VWF: variants seen among roughly 807,000 people sequenced by gnomAD.
VWF encodes the protein Factor VIII related antigen.
In VWF, 176 loss-of-function variants were observed where a neutral mutation model predicts 308.6. The observed-to-expected ratio is 0.57, with a 90% confidence interval of 0.50 to 0.65. The LOEUF (loss-of-function observed/expected upper bound fraction) is 0.65. VWF is among the 30% of genes least tolerant of loss of function. The pLI is 0.00. For missense variants in VWF, 3,146 were observed against 3,648.2 expected (o/e 0.86, Z 3.55); for synonymous variants, 1,385 against 1,443.4 (o/e 0.96, Z 0.92).
chr12:5,973,997 G>A (rs961848717), intron 43 of VWF, among the ~76,000 whole-genome samples: 6 of 152,164 alleles, frequency 3.9e-5, no homozygotes, highest in Non-Finnish European at 8.8e-5. Flanking sequence ...CCTCTGACAC[G>A]AAGAGCAGAG....
chr12:6,026,119 C>G (rs1944189188), intron 22 of VWF, 73 bp from the exon 23 acceptor site: 5 of 1,608,904 alleles, frequency 3.1e-6, no homozygotes, highest in Non-Finnish European at 4.3e-6. Flanking sequence ...GAAAGGGGAA[C>G]ATTCCTGGCG....
Position 6,016,834 on chromosome 12 carries a change from T to C in VWF, c.5090A>G (p.Asp1697Gly). ...SQPLDVILLLDGSSSFPASYF... is the reference protein window; with the variant it reads ...SQPLDVILLLGGSSSFPASYF... ...AGAAGCTGGGAAACTGGAGGAGCCA[T>C]CCAGGAGAAGGATCACGTCCAGGGG... is the stretch of plus-strand genomic sequence containing the variant. Residue 1697 changes from aspartate to glycine, a missense_variant, in exon 29 of 52, where the codon GAT (aspartate) becomes GGT (glycine). Physicochemically the swap from Asp to Gly is moderately conservative, Grantham distance 94 (BLOSUM62 -1). Coordinates refer to ENST00000261405, the MANE Select transcript of VWF (RefSeq NM_000552.5). 2 of 1,614,088 alleles carry C rather than the reference T, an allele frequency of 1.2e-6. No individual in the cohort carries two copies. The highest frequency in any genetic ancestry group is 1.7e-6 in the Non-Finnish European group (2 of 1,180,038).
chr12:6,086,111 G>A (rs1317716621), intron 6 of VWF, among the ~76,000 whole-genome samples: 1 of 152,110 alleles, frequency 6.6e-6, no homozygotes, highest in Non-Finnish European at 1.5e-5. Context: ...GGGGGGTTCC[G>A]TGGAGCTCTG....
chr12:5,969,513 G>T (rs1373421414), intron 44 of VWF, 122 bp from the exon 45 acceptor site: 3 of 1,192,384 alleles, frequency 2.5e-6, no homozygotes, highest in East Asian at 4.8e-5. Context: ...TAACATGTAA[G>T]TCCCACCACA....
intron 10 of VWF, among the ~76,000 whole-genome samples, chr12:6,065,789 G>T (rs1944707696): frequency 6.6e-6 from 1 of 152,234 alleles, no homozygotes; most frequent in Admixed American, 6.5e-5. Flanking sequence ...AGGGGGCAGA[G>T]TAGGCAGCCC....
At position 6,016,115 on chromosome 12, in the gene VWF, G is replaced by A; in HGVS notation, c.5429C>T (p.Ala1810Val). The A allele has an allele frequency of 6.2e-7, 1 of 1,614,150 alleles. No individual in the cohort carries two copies. Among genetic ancestry groups the A allele is most frequent in the Non-Finnish European group, 8.5e-7 (1 of 1,180,026 alleles). ...VTDVSVDSVDAAADAARSNRV... is the reference protein window; with the variant it reads ...VTDVSVDSVDVAADAARSNRV... ...GTTGGACCTGGCGGCATCAGCTGCTGCATCCACTGAATCCACAGAGACGTC... is the reference window on the plus strand; with the variant it reads ...GTTGGACCTGGCGGCATCAGCTGCTACATCCACTGAATCCACAGAGACGTC... Residue 1810 changes from alanine to valine, a missense_variant, in exon 31 of 52, where the codon GCA (alanine) becomes GTA (valine). Coordinates refer to ENST00000261405, the MANE Select transcript of VWF (RefSeq NM_000552.5).
chr12:6,101,358 A>G (rs1424215158), intron 5 of VWF, among the ~76,000 whole-genome samples: 1 of 152,102 alleles, frequency 6.6e-6, no homozygotes, highest in Non-Finnish European at 1.5e-5. Context: ...CACACAATCA[A>G]TTCTCACCAA....
In VWF at chr12:6,057,873, G is replaced by T; in HGVS notation, c.1705C>A (p.Pro569Thr). ...CQDLQKQHSD[P>T]CALNPRMTRF... Reference sequence around the variant, plus strand: ...CTCATGCGCGGGTTGAGGGCGCAGGGATCGCTGTGCTGCTTCTGCAGGTCC... The same window carrying T: ...CTCATGCGCGGGTTGAGGGCGCAGGTATCGCTGTGCTGCTTCTGCAGGTCC... Residue 569 changes from proline to threonine, a missense_variant, in exon 14 of 52, where the codon CCC becomes ACC. Pro to Thr is a conservative substitution (Grantham distance 38, BLOSUM62 -1). Transcript: ENST00000261405. The T allele has an allele frequency of 1.2e-6, 2 of 1,610,662 alleles. No homozygotes were observed. Among genetic ancestry groups the T allele is most frequent in the African/African-American group, 1.3e-5 (1 of 74,954 alleles).
intron 34 of VWF, among the ~76,000 whole-genome samples, chr12:5,997,962 A>G (rs892141345): frequency 6.6e-6 from 1 of 152,224 alleles, no homozygotes; most frequent in Admixed American, 6.5e-5. Flanking sequence ...AGAGTAAAGT[A>G]TATCACTCAT....
chr12:6,018,383 T>C lies in VWF; in HGVS notation c.5035A>G (p.Thr1679Ala), dbSNP rs751577332. The part of the protein sequence containing the change: ...CCSGEGLQIP[T>A]LSPAPDCSQP... ...AGCATACCAGGTGCAGGGGAGAGGG[T>C]GGGGATCTGCAGCCCCTCTCCGGAG... is the stretch of plus-strand genomic sequence containing the variant. The change falls in exon 28 of 52, where the codon ACC becomes GCC. Residue 1679 changes from threonine to alanine, a missense_variant. Thr to Ala is a moderately conservative substitution (Grantham distance 58, BLOSUM62 0). Transcript: ENST00000261405. 21 of 1,610,500 alleles carry C rather than the reference T, an allele frequency of 1.3e-5. No homozygotes were observed. The highest frequency in any genetic ancestry group is 5.4e-5 in the African/African-American group (4 of 74,444).
At position 6,092,628 on chromosome 12, in the gene VWF, T is replaced by TGAGAGAGAGAGA. The variant is rs1565386731; in HGVS notation, c.657+2831_657+2832insTCTCTCTCTCTC. Among the ~76,000 whole-genome samples, 32 of 80,238 alleles carry TGAGAGAGAGAGA rather than the reference T, an allele frequency of 4.0e-4. 1 individual carries two copies. The highest frequency in any genetic ancestry group is 1.1e-3 in the African/African-American group (15 of 13,296). The allele number at this position is 80,238 out of a possible 152,430, so 52.6% of individuals were successfully genotyped here. A position where few individuals can be genotyped will look rare whatever the true frequency, so the allele number is the denominator to read the frequency against. ...TAGTGAGTGAGTGAGAGTGTGTGTG[T>TGAGAGAGAGAGA]GTGTGTGTGTGTGTGTGTGTGTGTG... On this transcript the variant is annotated intron_variant, in intron 6 of 51. Transcript: ENST00000261405.
chr12:6,123,003 C>T (rs1163269420), intron 2 of VWF, 139 bp downstream of exon 2: 1 of 1,093,504 alleles, frequency 9.1e-7, no homozygotes, highest in Non-Finnish European at 1.4e-6. Context: ...TCCGCAGAAC[C>T]TTCACAGGAG....
chr12:6,095,255 C>T, intron 6 of VWF: 1 of 713,244 alleles, frequency 1.4e-6, no homozygotes, highest in East Asian at 2.8e-5. Flanking sequence ...AGACACTACA[C>T]CAAGTCATTA....
chr12:5,974,569 C>G (rs555250602), intron 43 of VWF, among the ~76,000 whole-genome samples: 9 of 152,240 alleles, frequency 5.9e-5, no homozygotes, highest in Non-Finnish European at 1.2e-4. Context: ...TGTCAACTTT[C>G]CTCTTGAGAA....
At chr12:6,099,010 G>GA (rs11429073) in intron 5 of VWF, among the ~76,000 whole-genome samples, 13,789 of 151,008 alleles carry the variant, frequency 0.091, 1,273 homozygotes, top group African/African-American at 0.24. Flanking sequence ...AAGTTCACAA[G>GA]AAAAAAAATC....
intron 34 of VWF, among the ~76,000 whole-genome samples, chr12:6,002,032 A>C (rs1943877989): frequency 6.6e-6 from 1 of 152,166 alleles, no homozygotes; most frequent in South Asian, 2.1e-4. Flanking sequence ...TTTAGAAAAT[A>C]ATGATAATAA....
chr12:5,993,570 C>T (rs965818425), intron 37 of VWF, among the ~76,000 whole-genome samples: 26 of 151,186 alleles, frequency 1.7e-4, no homozygotes, highest in African/African-American at 6.3e-4. Context: ...TGGAAAGGAC[C>T]ATGCATTAAT....
Position 6,034,621 on chromosome 12 carries a change from C to A in VWF, c.2685+67G>T, listed in dbSNP as rs73263045. The A allele has an allele frequency of 7.3e-3, 11,830 of 1,611,418 alleles. 730 individuals carry two copies. The African/African-American group carries it at 0.14, about 19-fold the overall frequency. On this transcript the variant is annotated intron_variant, in intron 20 of 51. Transcript: ENST00000261405. ...TGCAGACAGATCCACAGAACCCAAC[C>A]TGAGGCCACACCTCCCACCCCTCCT...
At chr12:6,106,861 G>C (rs1945249560) in intron 5 of VWF, among the ~76,000 whole-genome samples, 2 of 120,828 alleles carry the variant, frequency 1.7e-5, no homozygotes, top group Admixed American at 1.9e-4. Context: ...GGCAACAAGA[G>C]TGAAACTCCG....
Sources: gnomAD v4.1 joint callset for allele counts (sites outside exome capture counted in the v4.1 genomes callset) on GRCh38, gnomAD v4.1.1 for gene constraint, MANE v1.5 for transcripts, NCBI Gene and HGNC (gene_info 2026-07-23, HGNC 2026-07-21) for gene names.